RBFOX1: variants seen among roughly 807,000 people sequenced by gnomAD.
The protein encoded by RBFOX1 is RNA binding fox-1 homolog 1, also known as RNA binding protein fox-1 homolog 1.
In RBFOX1, 8 loss-of-function variants were observed where a neutral mutation model predicts 57.7. The observed-to-expected ratio is 0.14, with a 90% CI of 0.08 to 0.25. The LOEUF (loss-of-function observed/expected upper bound fraction) is 0.25, where lower values mean the gene tolerates loss of function less well. Among genes scored for constraint, RBFOX1 ranks in the 10% least tolerant of loss-of-function variants. RBFOX1 has a pLI of 1.00. For missense variants in RBFOX1, 611 were observed against 548.5 expected, an observed-to-expected ratio of 1.11 and a Z score of -1.14; for synonymous variants, 326 against 222.4, an observed-to-expected ratio of 1.47 and a Z score of -4.15.
At chr16:6,182,770 A>G (rs1052656313) in intron 1 of RBFOX1, among the ~76,000 whole-genome samples, 1 of 152,204 alleles carries the variant, frequency 6.6e-6, no homozygotes, top group African/African-American at 2.4e-5. Flanking sequence ...TACATCCTTT[A>G]TGCTCTTACT....
intron 4 of RBFOX1, among the ~76,000 whole-genome samples, chr16:5,983,460 C>T (rs150580654): frequency 6.6e-6 from 1 of 152,246 alleles, no homozygotes; most frequent in East Asian, 1.9e-4. Context: ...GGGGCCCTGG[C>T]ACTGACTCAT....
At chr16:6,736,536 C>A (rs998196913) in intron 3 of RBFOX1, among the ~76,000 whole-genome samples, 1 of 152,176 alleles carries the variant, frequency 6.6e-6, no homozygotes, top group Non-Finnish European at 1.5e-5. Context: ...ATACATACCT[C>A]AATTTCTTTA....
rs557594164 is a variant in RBFOX1, at chr16:6,980,120, A to T, written c.-15-71937A>T. ...GTAGAACAGTCACAGCACAGGCTGG[A>T]CGTATGTCACCTGAGAACCTTAATC... On this transcript the variant is annotated intron_variant, in intron 3 of 15. Transcript: ENST00000550418. Among the ~76,000 whole-genome samples the T allele has an allele frequency of 1.3e-5, 2 of 152,276 alleles. 1 individual carries two copies. Among genetic ancestry groups the T allele is most frequent in the South Asian group, 4.2e-4 (2 of 4,816 alleles).
intron 3 of RBFOX1, among the ~76,000 whole-genome samples, chr16:5,753,785 A>G (rs2053298691): frequency 6.6e-6 from 1 of 151,958 alleles, no homozygotes; most frequent in Non-Finnish European, 1.5e-5. Context: ...CCCTCTTAGC[A>G]CATTCCATCT....
chr16:7,674,498 C>T lies in RBFOX1; in HGVS notation c.931-2276C>T, dbSNP rs774648722. Among the ~76,000 whole-genome samples the T allele has an allele frequency of 1.9e-4, 29 of 152,284 alleles. No individual in the cohort carries two copies. In the East Asian group the frequency reaches 1.9e-3, roughly 10 times the overall value. On this transcript the variant is annotated intron_variant, in intron 13 of 15. Transcript: ENST00000550418. ...CACTGATCAAGGTTTAAAATCTCTC[C>T]GCTGGCTCTGGAGAGTTAAGGAAAT...
intron 4 of RBFOX1, among the ~76,000 whole-genome samples, chr16:7,112,831 T>A (rs575770837): frequency 6.6e-6 from 1 of 152,150 alleles, no homozygotes; most frequent in East Asian, 1.9e-4. Context: ...GTTTTATGAT[T>A]TGGGTAACAG....
At chr16:6,091,270 C>A (rs183133104) in intron 1 of RBFOX1, among the ~76,000 whole-genome samples, 1 of 152,098 alleles carries the variant, frequency 6.6e-6, no homozygotes, top group Non-Finnish European at 1.5e-5. Context: ...TCTATGATAC[C>A]CACTTATGAA....
chr16:7,604,554 C>G (rs2095206428), intron 9 of RBFOX1, among the ~76,000 whole-genome samples: 1 of 152,142 alleles, frequency 6.6e-6, no homozygotes, highest in African/African-American at 2.4e-5. Context: ...AAACTCATAA[C>G]TTGCAGAAAG....
chr16:6,634,143 T>A (rs191998252), intron 2 of RBFOX1, among the ~76,000 whole-genome samples: 148 of 152,304 alleles, frequency 9.7e-4, no homozygotes, highest in African/African-American at 3.4e-3. Context: ...CCAGTTATTG[T>A]GAGTAATTCA....
intron 4 of RBFOX1, among the ~76,000 whole-genome samples, chr16:7,418,183 G>A (rs996755880): frequency 1.3e-5 from 2 of 152,262 alleles, no homozygotes; most frequent in East Asian, 1.9e-4. Flanking sequence ...TCCATTGCTG[G>A]TCCATAGTTT....
chr16:7,338,274 C>G (rs949319047), intron 4 of RBFOX1, among the ~76,000 whole-genome samples: 6 of 150,892 alleles, frequency 4.0e-5, no homozygotes, highest in Non-Finnish European at 7.4e-5. Flanking sequence ...ATGGTAAGCT[C>G]TCAGAGGGCT....
At chr16:5,488,039 G>GTGA (rs1567153293) in intron 2 of RBFOX1, among the ~76,000 whole-genome samples, 1 of 152,090 alleles carries the variant, frequency 6.6e-6, no homozygotes, top group Non-Finnish European at 1.5e-5. Flanking sequence ...GGTGCTGGTG[G>GTGA]TGATGATGAT....
chr16:6,307,383 A>C (rs1257309972), intron 1 of RBFOX1, among the ~76,000 whole-genome samples: 1 of 146,652 alleles, frequency 6.8e-6, no homozygotes, highest in Non-Finnish European at 1.5e-5. Flanking sequence ...CTCATCTTAA[A>C]AATAAAAAAA....
At chr16:5,346,585 T>A (rs1167330351) in intron 1 of RBFOX1, among the ~76,000 whole-genome samples, 1 of 152,200 alleles carries the variant, frequency 6.6e-6, no homozygotes, top group Non-Finnish European at 1.5e-5. Flanking sequence ...CTTGGATTTG[T>A]CATTTGCTTT....
chr16:5,874,052 A>G (rs2057543345), intron 4 of RBFOX1, among the ~76,000 whole-genome samples: 1 of 152,240 alleles, frequency 6.6e-6, no homozygotes, highest in African/African-American at 2.4e-5. Context: ...TCAAAGAGTA[A>G]GATGGTTACA....
At chr16:5,488,771 T>A (rs535709951) in intron 2 of RBFOX1, among the ~76,000 whole-genome samples, 7 of 147,316 alleles carry the variant, frequency 4.8e-5, no homozygotes, top group Non-Finnish European at 8.9e-5. Context: ...GTGATGATGA[T>A]GATTATGGGA....
chr16:7,610,623 T>C (rs1322352182), intron 10 of RBFOX1, among the ~76,000 whole-genome samples: 2 of 152,212 alleles, frequency 1.3e-5, no homozygotes, highest in Non-Finnish European at 2.9e-5. Context: ...TTTTCAGCTG[T>C]ACGTTTGTAT....
intron 4 of RBFOX1, among the ~76,000 whole-genome samples, chr16:7,427,873 C>G (rs143702424): frequency 1.4e-3 from 214 of 152,274 alleles, no homozygotes; most frequent in African/African-American, 4.6e-3. Context: ...AGCTTGGTCT[C>G]AAACCCCTGA....
Position 7,248,917 on chromosome 16 carries a change from C to T in RBFOX1, c.27+196819C>T, listed in dbSNP as rs77722636. ...GTTGCTATGTATAGCCAACAGCCAT[C>T]GCCCAAGAAAGGCGGGTAGCACCAT... On this transcript the variant is annotated intron_variant, in intron 4 of 15. Coordinates refer to ENST00000550418, the MANE Select transcript of RBFOX1 (RefSeq NM_018723.4). Among the ~76,000 whole-genome samples, 6 of 152,280 alleles carry T rather than the reference C, an allele frequency of 3.9e-5. No individual in the cohort carries two copies. The East Asian group carries it at 9.7e-4, about 25-fold the overall frequency.
Sources: gnomAD v4.1 joint callset for allele counts (sites outside exome capture counted in the v4.1 genomes callset) on GRCh38, gnomAD v4.1.1 for gene constraint, MANE v1.5 for transcripts, NCBI Gene and HGNC (gene_info 2026-07-23, HGNC 2026-07-21) for gene names.